DYTN: variants seen among roughly 807,000 people sequenced by gnomAD.
The protein encoded by DYTN is dystrotelin.
DYTN carries 75 observed loss-of-function variants against 69.6 expected under a neutral mutation model. That is an observed-to-expected ratio of 1.08 (90% CI 0.89 to 1.31). The LOEUF is 1.31. DYTN is among the 50% of genes most tolerant of loss of function. The probability of loss-of-function intolerance (pLI) is 0.00; values close to 1 mark genes in which losing one functional copy is unlikely to be tolerated. For synonymous variants in DYTN, 252 were observed against 249.1 expected, an observed-to-expected ratio of 1.01 and a Z score of -0.11; for missense variants, 726 against 688.4, an observed-to-expected ratio of 1.05 and a Z score of -0.61.
intron 3 of DYTN, among the ~76,000 whole-genome samples, chr2:206,706,801 A>G (rs1233403868): frequency 3.3e-5 from 5 of 152,010 alleles, no homozygotes; most frequent in Admixed American, 2.6e-4. Flanking sequence ...CACTAGCAGA[A>G]CTATTGACTT....
At chr2:206,671,994 A>C (rs1366425169) in intron 9 of DYTN, among the ~76,000 whole-genome samples, 1 of 152,214 alleles carries the variant, frequency 6.6e-6, no homozygotes, top group Non-Finnish European at 1.5e-5. Flanking sequence ...TTTAAGTTTA[A>C]TAGACACTAT....
chr2:206,684,805 G>C (rs1375764174), intron 9 of DYTN, among the ~76,000 whole-genome samples: 3 of 118,146 alleles, frequency 2.5e-5, no homozygotes, highest in Non-Finnish European at 5.0e-5. Context: ...TTTATTTTCT[G>C]CTACTCATCA....
At chr2:206,682,172 G>A (rs1699757106) in intron 9 of DYTN, among the ~76,000 whole-genome samples, 1 of 152,132 alleles carries the variant, frequency 6.6e-6, no homozygotes, top group African/African-American at 2.4e-5. Flanking sequence ...GCCTAGAGGT[G>A]TTTACAGTAT....
chr2:206,674,848 C>G (rs1699666040), intron 9 of DYTN, among the ~76,000 whole-genome samples: 1 of 151,752 alleles, frequency 6.6e-6, no homozygotes, highest in Non-Finnish European at 1.5e-5. Flanking sequence ...ATCAAAACAC[C>G]TCCCCCAAAA....
chr2:206,699,768 A>G lies in DYTN; in HGVS notation c.678T>C (p.Ala226=). The part of the protein sequence containing the change: ...LSAAERVTHP[A]RCTLCRTFPI... ...GGAAAGTCCTGCAGAGAGTGCACCG[A>G]GCAGGGTGAGTGACCCTTTCAGCAG... Residue 226 remains alanine, a synonymous_variant, in exon 7 of 12, where the codon GCT becomes GCC. Coordinates refer to ENST00000452335, the MANE Select transcript of DYTN (RefSeq NM_001093730.1). 1 of 1,613,880 alleles carries G rather than the reference A, an allele frequency of 6.2e-7. No homozygotes were observed.
At chr2:206,668,585 G>A (rs1024483037) in intron 9 of DYTN, among the ~76,000 whole-genome samples, 1 of 152,034 alleles carries the variant, frequency 6.6e-6, no homozygotes, top group African/African-American at 2.4e-5. Context: ...CTGCTTTCTG[G>A]TGGAGGCTAA....
At chr2:206,709,460 G>GACAC (rs141839059) in intron 2 of DYTN, among the ~76,000 whole-genome samples, 26 of 148,632 alleles carry the variant, frequency 1.7e-4, no homozygotes, top group African/African-American at 5.4e-4. Context: ...CACACACACA[G>GACAC]ACACACACAC....
chr2:206,654,472 A>T (rs1366553758), intron 11 of DYTN, among the ~76,000 whole-genome samples: 1 of 152,178 alleles, frequency 6.6e-6, no homozygotes, highest in Non-Finnish European at 1.5e-5. Flanking sequence ...TTTTGTAAGA[A>T]TGCAATATAT....
At chr2:206,694,918 A>G in intron 7 of DYTN, 41 bp from the exon 8 acceptor site, 2 of 940,776 alleles carry the variant, frequency 2.1e-6, no homozygotes, top group Non-Finnish European at 3.0e-6. Context: ...TCACTAGTAG[A>G]TGAGAAAAAA....
At chr2:206,670,777 G>A (rs1699621721) in intron 9 of DYTN, among the ~76,000 whole-genome samples, 1 of 152,150 alleles carries the variant, frequency 6.6e-6, no homozygotes, top group Admixed American at 6.5e-5. Context: ...AGTTAAAACA[G>A]TTTTAGGTTT....
chr2:206,659,258 G>A (rs552054491), intron 11 of DYTN, among the ~76,000 whole-genome samples: 1 of 132,916 alleles, frequency 7.5e-6, no homozygotes, highest in Admixed American at 8.8e-5. Flanking sequence ...TGCAAGCTCC[G>A]CCTCCTGGGT....
intron 7 of DYTN, 24 bp from the exon 8 acceptor site, chr2:206,694,901 G>A: frequency 4.3e-6 from 6 of 1,381,098 alleles, no homozygotes; most frequent in South Asian, 1.4e-5. Context: ...TAGAAGCACA[G>A]CTTACGTCAC....
intron 7 of DYTN, among the ~76,000 whole-genome samples, chr2:206,698,546 C>T (rs1193461252): frequency 6.6e-6 from 1 of 152,198 alleles, no homozygotes; most frequent in Non-Finnish European, 1.5e-5. Context: ...AGTCTTCCCA[C>T]ATCCCCAGCC....
Position 206,663,318 on chromosome 2 carries a change from T to G in DYTN, c.1218A>C (p.Glu406Asp). 1 of 1,614,026 alleles carries G rather than the reference T, an allele frequency of 6.2e-7. No homozygotes were observed. The highest frequency in any genetic ancestry group is 1.1e-5 in the South Asian group (1 of 91,082). ...VGNKVDHSST[E>D]KVPKGGDYLQ... ...AATAATCCCCTCCCTTTGGAACCTT[T>G]TCAGTTGAAGAATGGTCAACCTTGT... The change falls in exon 11 of 12, where the codon GAA (glutamate) becomes GAC (aspartate). Residue 406 changes from glutamate (E) to aspartate (D), a missense_variant. Physicochemically the swap from Glu to Asp is conservative, Grantham distance 45. Transcript: ENST00000452335.
At chr2:206,715,622 CT>C (rs1700121242) in intron 1 of DYTN, among the ~76,000 whole-genome samples, 1 of 152,168 alleles carries the variant, frequency 6.6e-6, no homozygotes, top group African/African-American at 2.4e-5. Context: ...TAAACACTCT[CT>C]GTAAAATCAA....
intron 8 of DYTN, among the ~76,000 whole-genome samples, chr2:206,693,563 C>T (rs535489516): frequency 3.9e-5 from 6 of 152,242 alleles, no homozygotes; most frequent in East Asian, 1.9e-4. Flanking sequence ...AGAGTAACCC[C>T]GTCATTTGGC....
At chr2:206,712,773 G>A (rs999320455) in intron 1 of DYTN, among the ~76,000 whole-genome samples, 1 of 152,218 alleles carries the variant, frequency 6.6e-6, no homozygotes, top group African/African-American at 2.4e-5. Flanking sequence ...CCACTTCCAT[G>A]GGGGCATGTG....
At chr2:206,714,191 G>A (rs542673243) in intron 1 of DYTN, among the ~76,000 whole-genome samples, 1 of 152,156 alleles carries the variant, frequency 6.6e-6, no homozygotes, top group East Asian at 1.9e-4. Context: ...GTGTTTAAGG[G>A]CCACTCTTTT....
chr2:206,671,866 C>T (rs901270741), intron 9 of DYTN, among the ~76,000 whole-genome samples: 1 of 152,204 alleles, frequency 6.6e-6, no homozygotes, highest in Non-Finnish European at 1.5e-5. Context: ...TTTATTTAGT[C>T]ATTCGCAATG....
Sources: gnomAD v4.1 joint callset for allele counts (sites outside exome capture counted in the v4.1 genomes callset) on GRCh38, gnomAD v4.1.1 for gene constraint, MANE v1.5 for transcripts, NCBI Gene and HGNC (gene_info 2026-07-23, HGNC 2026-07-21) for gene names.